CENPP: variants seen among roughly 807,000 people sequenced by gnomAD.
CENPP encodes centromere protein P.
A neutral mutation model predicts 35.6 loss-of-function variants in CENPP; 24 were observed. The ratio of observed to expected loss-of-function variants is 0.67; its 90% CI spans 0.49 to 0.95. CENPP has a LOEUF of 0.95. CENPP is among the 40% of genes least tolerant of loss of function. The pLI is 0.00. For missense variants in CENPP, 332 were observed against 345.3 expected (o/e 0.96, Z 0.31); for synonymous variants, 120 against 125.5 (o/e 0.96, Z 0.29).
chr9:92,338,502 A>G (rs550797797), intron 3 of CENPP, among the ~76,000 whole-genome samples: 87 of 152,262 alleles, frequency 5.7e-4, no homozygotes, highest in African/African-American at 2.1e-3. Flanking sequence ...CCAATACCCA[A>G]TACAATGTAA....
At chr9:92,578,628 C>T (rs1034199817) in intron 5 of CENPP, among the ~76,000 whole-genome samples, 6 of 152,096 alleles carry the variant, frequency 3.9e-5, no homozygotes, top group African/African-American at 1.2e-4. Flanking sequence ...ATGTCCTTTG[C>T]CCACTTTTTG....
intron 5 of CENPP, chr9:92,416,674 T>C (rs1294990453): frequency 1.2e-6 from 2 of 1,609,622 alleles, no homozygotes; most frequent in African/African-American, 1.3e-5. Flanking sequence ...GAATATAGAA[T>C]GCTTGCTTCA....
At chr9:92,514,961 C>A in intron 5 of CENPP, 1 of 1,614,150 alleles carries the variant, frequency 6.2e-7, no homozygotes, top group Non-Finnish European at 8.5e-7. Context: ...CTGTCCCCCT[C>A]ACTGTAAAGT....
At position 92,503,059 on chromosome 9, in the gene CENPP, C is replaced by T. The variant is rs139341073; in HGVS notation, c.565-108255C>T. On this transcript the variant is annotated intron_variant, in intron 5 of 7. Transcript: ENST00000375587. ...CTAAGCTCAAGTGATCTACCCGCCT[C>T]GGCCTCCCAAAGTGCTGGAATTACA... Among the ~76,000 whole-genome samples the T allele has an allele frequency of 7.1e-3, 1,083 of 152,058 alleles. 12 individuals carry two copies. The highest frequency in any genetic ancestry group is 0.024 in the African/African-American group (1,002 of 41,492).
At chr9:92,487,343 A>G (rs1279277577) in intron 5 of CENPP, among the ~76,000 whole-genome samples, 2 of 152,170 alleles carry the variant, frequency 1.3e-5, no homozygotes, top group Non-Finnish European at 2.9e-5. Flanking sequence ...AAGAAGTGTG[A>G]AAGTTTGCAG....
Position 92,474,757 on chromosome 9 carries a change from A to ATCG in CENPP, c.564+94900_564+94901insGTC, listed in dbSNP as rs762235608. ...GAGAGTTGTCCTCATCATCATCATCATCATCATCATCATCATCATCATCAT... is the reference window on the plus strand; with the variant it reads ...GAGAGTTGTCCTCATCATCATCATCATCGTCATCATCATCATCATCATCATCAT... On this transcript the variant is annotated intron_variant, in intron 5 of 7. Transcript: ENST00000375587. The ATCG allele has an allele frequency of 1.9e-6, 3 of 1,610,486 alleles. No homozygotes were observed. The East Asian group carries it at 6.7e-5, about 36-fold the overall frequency.
chr9:92,337,040 G>A (rs1376919260), intron 2 of CENPP, among the ~76,000 whole-genome samples: 8 of 152,312 alleles, frequency 5.3e-5, no homozygotes, highest in Non-Finnish European at 8.8e-5. Context: ...AAACTTGGCC[G>A]GGCGCAGTGG....
At chr9:92,562,207 C>T (rs2026584) in intron 5 of CENPP, among the ~76,000 whole-genome samples, 81,172 of 131,066 alleles carry the variant, frequency 0.62, 25,091 homozygotes, top group African/African-American at 0.82. Context: ...TTTTTCTTTT[C>T]TTTTTTTTTT....
At chr9:92,432,111 G>C (rs955674979) in intron 5 of CENPP, among the ~76,000 whole-genome samples, 35 of 152,232 alleles carry the variant, frequency 2.3e-4, no homozygotes, top group African/African-American at 7.5e-4. Flanking sequence ...GATCACCTGA[G>C]GTCAGGAGTT....
chr9:92,359,176 C>T lies in CENPP; in HGVS notation c.467+13389C>T, dbSNP rs184948807. 4.9e-4 allele frequency among the ~76,000 whole-genome samples: 74 copies of T among 151,838 alleles called. 2 individuals carry two copies. In the East Asian group the frequency reaches 0.01, roughly 21 times the overall value. ...GTTGGTCAGGCTGGTCTTGAACTCC[C>T]GGCCTCAGGTGATCCGCCTGCCTTG... On this transcript the variant is annotated intron_variant, in intron 4 of 7. Transcript: ENST00000375587.
chr9:92,460,028 ATCAGCAG>A (rs996915312), intron 5 of CENPP, among the ~76,000 whole-genome samples: 15 of 144,280 alleles, frequency 1.0e-4, no homozygotes, highest in African/African-American at 3.8e-4. Flanking sequence ...ATTCGCCCCT[ATCAGCAG>A]AGGTGGTAAT....
intron 5 of CENPP, among the ~76,000 whole-genome samples, chr9:92,606,765 G>A (rs1437154897): frequency 6.6e-6 from 1 of 152,158 alleles, no homozygotes; most frequent in Admixed American, 6.5e-5. Flanking sequence ...TTAGCCAGGT[G>A]TGGTGGCACG....
At chr9:92,532,015 G>GTTTTTTTTGTTTTTTTTTTT (rs1563990161) in intron 5 of CENPP, among the ~76,000 whole-genome samples, 7 of 95,736 alleles carry the variant, frequency 7.3e-5, no homozygotes, top group Non-Finnish European at 1.4e-4. Context: ...TTTATTTAAT[G>GTTTTTTTTGTTTTTTTTTTT]TTTTTTTTTT....
At chr9:92,493,739 G>A (rs1212519278) in intron 5 of CENPP, 1 of 164,080 alleles carries the variant, frequency 6.1e-6, no homozygotes, top group Admixed American at 6.4e-5. Flanking sequence ...AAATTTCAGG[G>A]CTGAACAAGT....
chr9:92,457,497 G>C (rs199975126), intron 5 of CENPP: 8 of 1,571,122 alleles, frequency 5.1e-6, no homozygotes, highest in Non-Finnish European at 7.0e-6. Context: ...TGTTGTAGTA[G>C]GAAAAAAGAA....
At chr9:92,533,869 T>G (rs1267977498) in intron 5 of CENPP, among the ~76,000 whole-genome samples, 7 of 152,148 alleles carry the variant, frequency 4.6e-5, no homozygotes. Flanking sequence ...GAAATTTGAC[T>G]TGAATCTGAT....
chr9:92,418,222 G>A (rs909766730), intron 5 of CENPP, among the ~76,000 whole-genome samples: 2 of 151,988 alleles, frequency 1.3e-5, no homozygotes, highest in African/African-American at 4.8e-5. Flanking sequence ...AAGTATCTGG[G>A]ACTACAGGCG....
At chr9:92,464,391 C>T (rs991427117) in intron 5 of CENPP, among the ~76,000 whole-genome samples, 14 of 152,198 alleles carry the variant, frequency 9.2e-5, no homozygotes, top group South Asian at 2.1e-4. Flanking sequence ...GGATGTTGTC[C>T]TCAGACCTTT....
intron 5 of CENPP, among the ~76,000 whole-genome samples, chr9:92,492,123 C>G (rs1333788726): frequency 6.6e-6 from 1 of 152,192 alleles, no homozygotes; most frequent in East Asian, 1.9e-4. Context: ...TTCTGTTACT[C>G]CCCACCTAAA....
Sources: allele counts gnomAD v4.1 joint callset (sites outside exome capture counted in the v4.1 genomes callset), GRCh38; gene constraint gnomAD v4.1.1; transcripts MANE v1.5; gene names NCBI Gene and HGNC (gene_info 2026-07-23, HGNC 2026-07-21).